Variants in ATP8A2 observed in about 807,000 individuals in gnomAD.
The protein encoded by ATP8A2 is phospholipid-transporting ATPase IB.
A neutral mutation model predicts 165.6 loss-of-function variants in ATP8A2; 100 were observed. That is an observed-to-expected ratio of 0.60 (90% confidence interval 0.51 to 0.71). The LOEUF (loss-of-function observed/expected upper bound fraction) is 0.71. Ranked by LOEUF, ATP8A2 falls within the 30% of genes least tolerant of loss-of-function variation. ATP8A2 has a pLI of 0.00. For synonymous variants in ATP8A2, 543 were observed against 548.8 expected (o/e 0.99, Z 0.15); for missense variants, 1,227 against 1,479.5 (o/e 0.83, Z 2.80).
chr13:25,527,018 A>G (rs969130016), intron 2 of ATP8A2, among the ~76,000 whole-genome samples: 3 of 151,626 alleles, frequency 2.0e-5, no homozygotes, highest in Non-Finnish European at 2.9e-5. Flanking sequence ...TTCTCTTACC[A>G]TCTACTTGGA....
At chr13:25,562,803 ATT>A (rs148765562) in intron 15 of ATP8A2, among the ~76,000 whole-genome samples, 1 of 151,194 alleles carries the variant, frequency 6.6e-6, no homozygotes, top group Non-Finnish European at 1.5e-5. Context: ...AAAGATAAGC[ATT>A]TTTTTTTCTG....
chr13:25,498,209 T>C lies in ATP8A2; in HGVS notation c.221+29088T>C, dbSNP rs562881302. Among the ~76,000 whole-genome samples, 14 of 152,290 alleles carry C rather than the reference T, an allele frequency of 9.2e-5. 1 individual carries two copies. In the South Asian group the frequency reaches 2.9e-3, roughly 32 times the overall value. Reference sequence around the variant, plus strand: ...GATAAACAGGTGCTCATACTATGAATGGTGCATATTTGTGAGGAAAACATC... The same window carrying C: ...GATAAACAGGTGCTCATACTATGAACGGTGCATATTTGTGAGGAAAACATC... On this transcript the variant is annotated intron_variant, in intron 2 of 36. Transcript: ENST00000381655.
chr13:25,642,685 C>T (rs927554243), intron 24 of ATP8A2, among the ~76,000 whole-genome samples: 26 of 152,036 alleles, frequency 1.7e-4, no homozygotes, highest in Non-Finnish European at 3.2e-4. Context: ...GACCATTTGA[C>T]TATTTGACTC....
intron 33 of ATP8A2, among the ~76,000 whole-genome samples, chr13:25,872,349 T>G (rs921415762): frequency 2.0e-5 from 3 of 152,070 alleles, no homozygotes; most frequent in Non-Finnish European, 2.9e-5. Context: ...TGGCTGAGGA[T>G]GAATTGAGCA....
intron 33 of ATP8A2, among the ~76,000 whole-genome samples, chr13:25,899,248 C>A (rs372311234): frequency 1.3e-5 from 2 of 152,242 alleles, no homozygotes; most frequent in African/African-American, 4.8e-5. Flanking sequence ...AGTGCTGGAG[C>A]TCTGTAGAGC....
chr13:25,542,066 C>T lies in ATP8A2; in HGVS notation c.779+20C>T, dbSNP rs994329144. 3.1e-6 allele frequency: 5 copies of T among 1,610,534 alleles called. No individual in the cohort carries two copies. The Admixed American group carries it at 5.0e-5, about 16-fold the overall frequency. On this transcript the variant is annotated intron_variant, in intron 9 of 36. Transcript: ENST00000381655. ...GAAAAGGTATTATATGCCTTTTCTT[C>T]ATTGTCTTTTAAACTATGTGACTAA... is the stretch of plus-strand genomic sequence containing the variant.
intron 27 of ATP8A2, among the ~76,000 whole-genome samples, chr13:25,787,075 C>T (rs1018019539): frequency 1.3e-5 from 2 of 152,164 alleles, no homozygotes; most frequent in Non-Finnish European, 2.9e-5. Context: ...GAGCCACCGT[C>T]CCCAGCCATA....
chr13:25,841,333 A>G (rs563485518), intron 30 of ATP8A2, among the ~76,000 whole-genome samples: 24 of 152,348 alleles, frequency 1.6e-4, no homozygotes, highest in African/African-American at 5.3e-4. Flanking sequence ...CAGGCAGCCA[A>G]TAGGATGCTT....
In ATP8A2 at chr13:25,563,943, T is replaced by G. The variant is rs80107486; in HGVS notation, c.1398-13T>G. ...TTTTAAATTGAATAAATTTTCTCTGTTCTCTCTTACAGTCGGATGCCTCCT... is the reference window on the plus strand; with the variant it reads ...TTTTAAATTGAATAAATTTTCTCTGGTCTCTCTTACAGTCGGATGCCTCCT... On this transcript the variant is annotated splice_polypyrimidine_tract_variant and intron_variant, in intron 15 of 36. Transcript: ENST00000381655. The G allele has an allele frequency of 1.7e-3, 2,708 of 1,596,230 alleles. 48 individuals carry two copies. The African/African-American group carries it at 0.033, about 19-fold the overall frequency.
intron 27 of ATP8A2, among the ~76,000 whole-genome samples, chr13:25,775,163 C>T (rs997081667): frequency 2.6e-5 from 4 of 152,154 alleles, no homozygotes; most frequent in Non-Finnish European, 4.4e-5. Flanking sequence ...ATGACCAAAG[C>T]GGGCATCTGC....
At chr13:25,491,134 T>G (rs2036517168) in intron 2 of ATP8A2, among the ~76,000 whole-genome samples, 2 of 152,212 alleles carry the variant, frequency 1.3e-5, no homozygotes, top group African/African-American at 4.8e-5. Context: ...ATTTATTTTA[T>G]TTACTTTTTC....
chr13:26,017,898 C>T (rs972828512), intron 36 of ATP8A2, among the ~76,000 whole-genome samples: 2 of 152,236 alleles, frequency 1.3e-5, no homozygotes, highest in African/African-American at 4.8e-5. Context: ...TTCACTGTGG[C>T]TACCATGTGG....
chr13:25,909,431 A>G (rs1001548691), intron 33 of ATP8A2, among the ~76,000 whole-genome samples: 2 of 152,214 alleles, frequency 1.3e-5, no homozygotes, highest in Non-Finnish European at 2.9e-5. Context: ...ATAACTTTTT[A>G]AAAAGCTGAT....
chr13:25,876,104 C>T (rs1295443513), intron 33 of ATP8A2, among the ~76,000 whole-genome samples: 1 of 152,126 alleles, frequency 6.6e-6, no homozygotes, highest in Non-Finnish European at 1.5e-5. Flanking sequence ...TAGATAGCAG[C>T]CAGCCTCCAA....
intron 27 of ATP8A2, among the ~76,000 whole-genome samples, chr13:25,818,868 A>G (rs1045351971): frequency 6.6e-6 from 1 of 152,228 alleles, no homozygotes; most frequent in Admixed American, 6.5e-5. Flanking sequence ...GGGTAGCCAG[A>G]TAACAATACA....
chr13:25,626,791 G>A (rs748168219), intron 24 of ATP8A2, among the ~76,000 whole-genome samples: 3 of 152,120 alleles, frequency 2.0e-5, no homozygotes, highest in Non-Finnish European at 2.9e-5. Flanking sequence ...GTCCCATATG[G>A]CTGGGGAGGC....
chr13:25,814,682 C>T (rs1950963234), intron 27 of ATP8A2, among the ~76,000 whole-genome samples: 1 of 147,268 alleles, frequency 6.8e-6, no homozygotes, highest in Admixed American at 6.8e-5. Context: ...TATCCAGATG[C>T]AAAATAATGA....
At chr13:25,554,912 T>C in intron 12 of ATP8A2, 79 bp from the exon 13 acceptor site, 1 of 962,200 alleles carries the variant, frequency 1.0e-6, no homozygotes, top group East Asian at 2.5e-5. Flanking sequence ...CATTCTTAGC[T>C]TCTTTTCTGT....
At chr13:26,001,714 A>G (rs1956634092) in intron 35 of ATP8A2, among the ~76,000 whole-genome samples, 1 of 151,724 alleles carries the variant, frequency 6.6e-6, no homozygotes, top group African/African-American at 2.4e-5. Context: ...TTTTTAATCA[A>G]GTTGTTTGTT....
Sources: gnomAD v4.1 joint callset for allele counts (sites outside exome capture counted in the v4.1 genomes callset) on GRCh38, gnomAD v4.1.1 for gene constraint, MANE v1.5 for transcripts, NCBI Gene and HGNC (gene_info 2026-07-23, HGNC 2026-07-21) for gene names.